GRM7: variants seen among roughly 807,000 people sequenced by gnomAD.
GRM7 encodes glutamate metabotropic receptor 7.
In GRM7, 35 loss-of-function variants were observed where a neutral mutation model predicts 84.5. The observed-to-expected ratio is 0.41, with a 90% confidence interval of 0.32 to 0.55. GRM7 has a LOEUF of 0.55. Ranked by LOEUF, GRM7 falls within the 20% of genes least tolerant of loss-of-function variation. The probability of loss-of-function intolerance (pLI) is 0.19; values close to 1 mark genes in which losing one functional copy is unlikely to be tolerated. For synonymous variants in GRM7, 487 were observed against 455.1 expected, an observed-to-expected ratio of 1.07 and a Z score of -0.89; for missense variants, 1,003 against 1,194.6, an observed-to-expected ratio of 0.84 and a Z score of 2.36.
At chr3:7,447,347 AGT>A (rs931555602) in intron 5 of GRM7, among the ~76,000 whole-genome samples, 4 of 152,042 alleles carry the variant, frequency 2.6e-5, no homozygotes, top group Non-Finnish European at 5.9e-5. Flanking sequence ...ATTGTATTTC[AGT>A]GTGTGTGTGG....
At chr3:7,209,609 T>C (rs960678910) in intron 2 of GRM7, among the ~76,000 whole-genome samples, 3 of 152,092 alleles carry the variant, frequency 2.0e-5, no homozygotes, top group African/African-American at 4.8e-5. Context: ...GCATAGAGAA[T>C]GTGGAATGTA....
At chr3:6,925,500 T>G (rs1697267593) in intron 1 of GRM7, among the ~76,000 whole-genome samples, 1 of 152,160 alleles carries the variant, frequency 6.6e-6, no homozygotes, top group Non-Finnish European at 1.5e-5. Flanking sequence ...GTTACCTGCT[T>G]TATACCATAC....
intron 8 of GRM7, among the ~76,000 whole-genome samples, chr3:7,641,445 C>T (rs3912450): frequency 0.83 from 125,598 of 152,108 alleles, 51,924 homozygotes; most frequent in South Asian, 0.86. Context: ...GCACTTGTGG[C>T]TGAATATTAT....
At chr3:7,149,821 C>T (rs1694227025) in intron 2 of GRM7, among the ~76,000 whole-genome samples, 1 of 152,178 alleles carries the variant, frequency 6.6e-6, no homozygotes, top group East Asian at 1.9e-4. Flanking sequence ...TAATACCCAA[C>T]AATATCTGAT....
intron 1 of GRM7, among the ~76,000 whole-genome samples, chr3:7,082,420 A>G (rs1559427169): frequency 6.6e-6 from 1 of 152,126 alleles, no homozygotes; most frequent in Non-Finnish European, 1.5e-5. Flanking sequence ...AAAAAAGATT[A>G]CTTTCAAGAC....
chr3:7,018,926 A>G lies in GRM7; in HGVS notation c.520-127526A>G, dbSNP rs547679604. 3.3e-3 allele frequency among the ~76,000 whole-genome samples: 507 copies of G among 152,208 alleles called. 1 individual carries two copies. Among genetic ancestry groups the G allele is most frequent in the Non-Finnish European group, 6.1e-3 (416 of 67,992 alleles). On this transcript the variant is annotated intron_variant, in intron 1 of 9. Transcript: ENST00000357716. ...AGCCTGGCCAGCATGGTGAAACCCCATCTCTACTAAAAATACAAAAATTAG... is the reference window on the plus strand; with the variant it reads ...AGCCTGGCCAGCATGGTGAAACCCCGTCTCTACTAAAAATACAAAAATTAG...
intron 7 of GRM7, among the ~76,000 whole-genome samples, chr3:7,576,568 C>T (rs1694971582): frequency 6.6e-6 from 1 of 152,198 alleles, no homozygotes; most frequent in South Asian, 2.1e-4. Flanking sequence ...TATATTAACA[C>T]AACACTGAAA....
intron 1 of GRM7, among the ~76,000 whole-genome samples, chr3:6,890,662 A>C (rs1413888719): frequency 2.6e-5 from 4 of 152,118 alleles, no homozygotes; most frequent in Non-Finnish European, 5.9e-5. Flanking sequence ...GTATGTGGTC[A>C]ATTTTGGAAT....
chr3:7,226,656 T>C (rs1559512773), intron 2 of GRM7, among the ~76,000 whole-genome samples: 1 of 152,302 alleles, frequency 6.6e-6, no homozygotes, highest in East Asian at 1.9e-4. Flanking sequence ...ACCTTAGGTG[T>C]GTCCACCATA....
intron 6 of GRM7, 28 bp from the exon 7 acceptor site, chr3:7,461,555 A>G: frequency 6.3e-7 from 1 of 1,591,982 alleles, no homozygotes. Context: ...TTAACTTTAG[A>G]ATCTTTCATT....
At chr3:7,419,035 T>G (rs1011607508) in intron 5 of GRM7, among the ~76,000 whole-genome samples, 12 of 152,306 alleles carry the variant, frequency 7.9e-5, no homozygotes, top group African/African-American at 2.9e-4. Flanking sequence ...ATGGAAATTT[T>G]CTGCTCTTCT....
intron 4 of GRM7, among the ~76,000 whole-genome samples, chr3:7,388,860 G>T (rs1399867122): frequency 1.3e-5 from 2 of 151,812 alleles, no homozygotes; most frequent in African/African-American, 4.8e-5. Context: ...TTGATCCTTT[G>T]TATGGTCACA....
chr3:7,126,216 G>C (rs1693394711), intron 1 of GRM7, among the ~76,000 whole-genome samples: 1 of 152,072 alleles, frequency 6.6e-6, no homozygotes, highest in African/African-American at 2.4e-5. Flanking sequence ...ATAATAATAG[G>C]CCAGTGATTT....
intron 6 of GRM7, among the ~76,000 whole-genome samples, chr3:7,461,172 T>A (rs1698231110): frequency 6.6e-6 from 1 of 152,234 alleles, no homozygotes; most frequent in Non-Finnish European, 1.5e-5. Flanking sequence ...TTGTTGTTTT[T>A]GAAATTGTTC....
chr3:7,726,287 T>C (rs574830829), intron 9 of GRM7, among the ~76,000 whole-genome samples: 1 of 151,904 alleles, frequency 6.6e-6, no homozygotes, highest in African/African-American at 2.4e-5. Flanking sequence ...AAGAGACCCT[T>C]GAAAAAGAAG....
intron 3 of GRM7, among the ~76,000 whole-genome samples, chr3:7,299,369 CAT>C (rs1699920362): frequency 6.6e-6 from 1 of 152,174 alleles, no homozygotes; most frequent in East Asian, 1.9e-4. Flanking sequence ...CAAGCTTTGA[CAT>C]GTTTCCACAA....
intron 4 of GRM7, among the ~76,000 whole-genome samples, chr3:7,328,293 A>G (rs1450303763): frequency 1.3e-5 from 2 of 152,182 alleles, no homozygotes; most frequent in African/African-American, 4.8e-5. Flanking sequence ...TACCCTGATA[A>G]TGTAGTCTGG....
intron 1 of GRM7, among the ~76,000 whole-genome samples, chr3:7,021,584 C>T (rs1232716275): frequency 7.2e-5 from 11 of 152,174 alleles, no homozygotes; most frequent in Admixed American, 7.2e-4. Flanking sequence ...GATGAATGAA[C>T]TAAAGAGGTG....
intron 2 of GRM7, among the ~76,000 whole-genome samples, chr3:7,190,360 A>G (rs1376495688): frequency 6.6e-6 from 1 of 152,120 alleles, no homozygotes; most frequent in Non-Finnish European, 1.5e-5. Flanking sequence ...TCTTCTGGTA[A>G]TGTGCCCAAA....
Sources: allele counts gnomAD v4.1 joint callset (sites outside exome capture counted in the v4.1 genomes callset), GRCh38; gene constraint gnomAD v4.1.1; transcripts MANE v1.5; gene names NCBI Gene and HGNC (gene_info 2026-07-23, HGNC 2026-07-21).